Variants in MRPS28 observed in about 807,000 individuals in gnomAD.
MRPS28 encodes small ribosomal subunit protein bS1m.
Under a neutral mutation model 10.8 loss-of-function variants are expected in MRPS28, and 7 were observed. The observed-to-expected ratio is 0.65, with a 90% confidence interval of 0.37 to 1.22. The LOEUF (loss-of-function observed/expected upper bound fraction) is 1.22. Among genes scored for constraint, MRPS28 ranks in the 50% most tolerant of loss-of-function variants. MRPS28 has a pLI of 0.02. For missense variants in MRPS28, 265 were observed against 232.9 expected, an observed-to-expected ratio of 1.14 and a Z score of -0.90; for synonymous variants, 121 against 93.3, an observed-to-expected ratio of 1.30 and a Z score of -1.71.
intron 2 of MRPS28, among the ~76,000 whole-genome samples, chr8:79,975,762 G>A (rs928169248): frequency 2.6e-5 from 4 of 151,994 alleles, no homozygotes; most frequent in Non-Finnish European, 5.9e-5. Flanking sequence ...GGAAATTTGA[G>A]AATGTGTATA....
At chr8:80,016,736 G>A (rs150209084) in intron 1 of MRPS28, among the ~76,000 whole-genome samples, 141 of 152,124 alleles carry the variant, frequency 9.3e-4, no homozygotes, top group African/African-American at 2.8e-3. Flanking sequence ...ATAATAAAAG[G>A]GTTAATTATC....
chr8:79,930,936 G>T (rs1563519077), intron 2 of MRPS28, among the ~76,000 whole-genome samples: 2 of 152,066 alleles, frequency 1.3e-5, no homozygotes, highest in African/African-American at 4.8e-5. Flanking sequence ...TTGTAAATAA[G>T]AGCTTTATTG....
intron 2 of MRPS28, among the ~76,000 whole-genome samples, chr8:79,959,475 T>C (rs1027064828): frequency 1.3e-5 from 2 of 152,146 alleles, no homozygotes; most frequent in Non-Finnish European, 2.9e-5. Flanking sequence ...TGTATACACA[T>C]AGTTTTTAAA....
intron 2 of MRPS28, among the ~76,000 whole-genome samples, chr8:79,994,009 C>T (rs1261381009): frequency 6.6e-6 from 1 of 152,096 alleles, no homozygotes; most frequent in Non-Finnish European, 1.5e-5. Flanking sequence ...GTTTTGAAAC[C>T]CTTCAATTTT....
chr8:79,985,307 C>A (rs1253646712), intron 2 of MRPS28, among the ~76,000 whole-genome samples: 3 of 152,024 alleles, frequency 2.0e-5, no homozygotes, highest in Non-Finnish European at 4.4e-5. Context: ...GCACTAAATG[C>A]CCACAAGAGA....
At chr8:80,010,345 G>A (rs943684594) in intron 1 of MRPS28, among the ~76,000 whole-genome samples, 10 of 152,150 alleles carry the variant, frequency 6.6e-5, no homozygotes, top group East Asian at 3.8e-4. Flanking sequence ...TTTGTTATTC[G>A]GGGAGAACTA....
chr8:79,977,555 A>C (rs1041693259), intron 2 of MRPS28, among the ~76,000 whole-genome samples: 4 of 152,170 alleles, frequency 2.6e-5, no homozygotes, highest in African/African-American at 9.7e-5. Context: ...AGTGGCTGTC[A>C]CCTGCAATCC....
intron 2 of MRPS28, among the ~76,000 whole-genome samples, chr8:79,975,633 A>C (rs1759261584): frequency 6.6e-6 from 1 of 152,220 alleles, no homozygotes; most frequent in Non-Finnish European, 1.5e-5. Flanking sequence ...TAAACGGCCA[A>C]ACGTTCAACA....
intron 2 of MRPS28, among the ~76,000 whole-genome samples, chr8:79,931,747 G>T (rs143260425): frequency 6.6e-6 from 1 of 152,200 alleles, no homozygotes; most frequent in Non-Finnish European, 1.5e-5. Context: ...TGGCTGTTAA[G>T]GTTTACTGGA....
intron 2 of MRPS28, among the ~76,000 whole-genome samples, chr8:79,963,932 A>C (rs1343640953): frequency 2.0e-5 from 3 of 152,142 alleles, no homozygotes; most frequent in African/African-American, 2.4e-5. Flanking sequence ...GGAGTGAAGT[A>C]ATTTCTGAGT....
At chr8:79,968,859 C>T (rs1362505056) in intron 2 of MRPS28, among the ~76,000 whole-genome samples, 1 of 152,160 alleles carries the variant, frequency 6.6e-6, no homozygotes. Flanking sequence ...GGTTCTGCAA[C>T]TAGATTGCAA....
chr8:80,028,462 G>T (rs1193942320), intron 1 of MRPS28, among the ~76,000 whole-genome samples: 2 of 151,982 alleles, frequency 1.3e-5, no homozygotes, highest in East Asian at 1.9e-4. Context: ...ATGGTAGAAA[G>T]AATAATGCCC....
At chr8:79,999,185 G>A (rs1214400272) in intron 2 of MRPS28, among the ~76,000 whole-genome samples, 1 of 152,206 alleles carries the variant, frequency 6.6e-6, no homozygotes, top group East Asian at 1.9e-4. Flanking sequence ...CCTAGAAGCT[G>A]CTCAGTCAGA....
At chr8:80,002,781 C>G (rs1340687878) in intron 2 of MRPS28, among the ~76,000 whole-genome samples, 1 of 152,190 alleles carries the variant, frequency 6.6e-6, no homozygotes, top group Non-Finnish European at 1.5e-5. Flanking sequence ...ACATTCAAGT[C>G]TTCCCAACAA....
At chr8:80,021,005 A>G (rs1586102161) in intron 1 of MRPS28, among the ~76,000 whole-genome samples, 1 of 146,352 alleles carries the variant, frequency 6.8e-6, no homozygotes, top group East Asian at 2.0e-4. Flanking sequence ...GCACACACAC[A>G]CTTTTTTTTT....
At chr8:79,994,661 C>T (rs1449440287) in intron 2 of MRPS28, among the ~76,000 whole-genome samples, 1 of 152,000 alleles carries the variant, frequency 6.6e-6, no homozygotes, top group East Asian at 1.9e-4. Context: ...ATCCTTCTTC[C>T]GAAATATGCT....
chr8:79,922,644 CAT>C (rs1810126361), intron 2 of MRPS28, among the ~76,000 whole-genome samples: 1 of 152,020 alleles, frequency 6.6e-6, no homozygotes, highest in African/African-American at 2.4e-5. Context: ...CCAGCCATAA[CAT>C]ATGATGACTC....
At chr8:79,986,453 G>A (rs1034042844) in intron 2 of MRPS28, among the ~76,000 whole-genome samples, 2 of 152,076 alleles carry the variant, frequency 1.3e-5, no homozygotes, top group Non-Finnish European at 2.9e-5. Context: ...GGAAATAAAG[G>A]GTATTCAATT....
At chr8:79,936,630 T>A (rs1248851915) in intron 2 of MRPS28, among the ~76,000 whole-genome samples, 1 of 152,234 alleles carries the variant, frequency 6.6e-6, no homozygotes, top group East Asian at 1.9e-4. Flanking sequence ...TAAATTATGA[T>A]GTCTGTACAA....
Sources: allele counts gnomAD v4.1 joint callset (sites outside exome capture counted in the v4.1 genomes callset), GRCh38; gene constraint gnomAD v4.1.1; transcripts MANE v1.5; gene names NCBI Gene and HGNC (gene_info 2026-07-23, HGNC 2026-07-21).